The following PTPDC1 variants were observed in gnomAD, a reference collection of about 807,000 sequenced individuals.
PTPDC1 encodes the protein protein tyrosine phosphatase domain containing 1.
PTPDC1 carries 53 observed loss-of-function variants against 75.3 expected under a neutral mutation model. The observed-to-expected ratio is 0.70, with a 90% confidence interval of 0.56 to 0.88. The LOEUF (loss-of-function observed/expected upper bound fraction) is 0.88, where lower values mean the gene tolerates loss of function less well. Among genes scored for constraint, PTPDC1 ranks in the 40% least tolerant of loss-of-function variants. The pLI is 0.00. For synonymous variants in PTPDC1, 349 were observed against 366.2 expected, an observed-to-expected ratio of 0.95 and a Z score of 0.54; for missense variants, 925 against 998.6, an observed-to-expected ratio of 0.93 and a Z score of 0.99.
intron 1 of PTPDC1, among the ~76,000 whole-genome samples, chr9:94,046,328 G>T: frequency 6.6e-6 from 1 of 152,276 alleles, no homozygotes; most frequent in South Asian, 2.1e-4. Context: ...GGCAATGCAG[G>T]CTCTTTTTCG....
intron 2 of PTPDC1, among the ~76,000 whole-genome samples, chr9:94,065,702 G>A (rs548448340): frequency 6.6e-6 from 1 of 152,302 alleles, no homozygotes; most frequent in South Asian, 2.1e-4. Context: ...TATGCTTGTA[G>A]ATACTCCTTC....
intron 2 of PTPDC1, among the ~76,000 whole-genome samples, chr9:94,077,504 G>A (rs2117935992): frequency 6.6e-6 from 1 of 152,226 alleles, no homozygotes; most frequent in South Asian, 2.1e-4. Flanking sequence ...TGCTATAGTG[G>A]CTAACAGTAC....
intron 2 of PTPDC1, among the ~76,000 whole-genome samples, chr9:94,077,489 T>C (rs1269898197): frequency 1.3e-5 from 2 of 152,218 alleles, no homozygotes; most frequent in African/African-American, 4.8e-5. Context: ...TGGATTTCAT[T>C]AATTTGCTAT....
intron 1 of PTPDC1, among the ~76,000 whole-genome samples, chr9:94,032,447 C>T (rs1026652350): frequency 6.6e-6 from 1 of 152,206 alleles, no homozygotes; most frequent in African/African-American, 2.4e-5. Flanking sequence ...AATTTCTCCT[C>T]CCAAACAGAG....
chr9:94,053,446 G>A (rs933892707), intron 1 of PTPDC1, among the ~76,000 whole-genome samples: 2 of 151,880 alleles, frequency 1.3e-5, no homozygotes, highest in African/African-American at 2.4e-5. Flanking sequence ...GACTATTTTT[G>A]TTTAGTTTTA....
chr9:94,103,075 T>C (rs1401756721), intron 7 of PTPDC1, among the ~76,000 whole-genome samples: 1 of 151,630 alleles, frequency 6.6e-6, no homozygotes, highest in Non-Finnish European at 1.5e-5. Context: ...TTCACACACA[T>C]GCACACAGAT....
intron 2 of PTPDC1, among the ~76,000 whole-genome samples, chr9:94,072,196 C>T (rs529652044): frequency 1.3e-5 from 2 of 152,140 alleles, no homozygotes; most frequent in Admixed American, 6.5e-5. Flanking sequence ...TTAGCAGAGA[C>T]GGTTTCGCCA....
At chr9:94,064,931 C>G in intron 2 of PTPDC1, 2 of 772,684 alleles carry the variant, frequency 2.6e-6, no homozygotes, top group Non-Finnish European at 4.1e-6. Context: ...TATTGGAATC[C>G]CAGGTTGCAA....
intron 1 of PTPDC1, among the ~76,000 whole-genome samples, chr9:94,058,778 C>T (rs1826035447): frequency 6.6e-6 from 1 of 152,064 alleles, no homozygotes; most frequent in African/African-American, 2.4e-5. Flanking sequence ...CACCTGAGGT[C>T]AGGAGTTCGA....
chr9:94,083,560 C>T (rs867243515), upstream of PTPDC1, among the ~76,000 whole-genome samples: 1 of 152,140 alleles, frequency 6.6e-6, no homozygotes, highest in African/African-American at 2.4e-5. Flanking sequence ...AGCGAGCAAG[C>T]GAGGGCGCAG....
chr9:94,079,196 T>G (rs1826796311), intron 2 of PTPDC1, among the ~76,000 whole-genome samples: 1 of 152,234 alleles, frequency 6.6e-6, no homozygotes, highest in Non-Finnish European at 1.5e-5. Flanking sequence ...AGTGATGGAC[T>G]AGTCTTTTTT....
At chr9:94,091,957 A>G (rs1377294611) in intron 4 of PTPDC1, among the ~76,000 whole-genome samples, 1 of 149,958 alleles carries the variant, frequency 6.7e-6, no homozygotes, top group Non-Finnish European at 1.5e-5. Context: ...TATTGCGTCT[A>G]TTTGATTCTT....
chr9:94,043,773 A>AT (rs1284752574), intron 1 of PTPDC1, among the ~76,000 whole-genome samples: 1 of 152,012 alleles, frequency 6.6e-6, no homozygotes, highest in Non-Finnish European at 1.5e-5. Flanking sequence ...TTTCTCCTAT[A>AT]TTTTTTTCTA....
chr9:94,104,274 G>A lies in PTPDC1; in HGVS notation c.2200-1G>A, dbSNP rs979591393. The A allele has an allele frequency of 3.1e-6, 5 of 1,596,704 alleles. No individual in the cohort carries two copies. Among genetic ancestry groups the A allele is most frequent in the African/African-American group, 1.3e-5 (1 of 74,576 alleles). On this transcript the variant is annotated splice_acceptor_variant, in intron 7 of 8. Transcript: ENST00000620992. LOFTEE classifies it high-confidence loss of function. ...TTAAATTTTGATTTCTACAAAAACA[G>A]GGACAGCACCAGACTATTCTCTGCG...
intron 4 of PTPDC1, 65 bp from the exon 5 acceptor site, chr9:94,095,252 A>T (rs920190101): frequency 5.2e-6 from 6 of 1,153,174 alleles, no homozygotes; most frequent in African/African-American, 3.8e-5. Flanking sequence ...TGTACTTTTC[A>T]TTAGTGTTTG....
At chr9:94,098,747 A>G (rs1186262353) in intron 6 of PTPDC1, 168 bp downstream of exon 6, 2 of 648,276 alleles carry the variant, frequency 3.1e-6, no homozygotes, top group Non-Finnish European at 5.3e-6. Context: ...GATGTTATAG[A>G]AAAAACACAG....
intron 1 of PTPDC1, among the ~76,000 whole-genome samples, chr9:94,047,267 T>C (rs1046460826): frequency 1.3e-5 from 2 of 152,206 alleles, no homozygotes; most frequent in African/African-American, 4.8e-5. Flanking sequence ...TTGAGGATTT[T>C]TACATCAATG....
chr9:94,075,895 A>G (rs148083478), intron 2 of PTPDC1, among the ~76,000 whole-genome samples: 2 of 152,370 alleles, frequency 1.3e-5, no homozygotes, highest in East Asian at 3.9e-4. Context: ...TTTTTAGAAC[A>G]TTCAAAGAGC....
At chr9:94,055,640 A>G (rs1441957803) in intron 1 of PTPDC1, among the ~76,000 whole-genome samples, 1 of 152,206 alleles carries the variant, frequency 6.6e-6, no homozygotes, top group African/African-American at 2.4e-5. Flanking sequence ...ACATTCTGGA[A>G]AAGACAAAAC....
Sources: allele counts gnomAD v4.1 joint callset (sites outside exome capture counted in the v4.1 genomes callset), GRCh38; gene constraint gnomAD v4.1.1; transcripts MANE v1.5; gene names NCBI Gene and HGNC (gene_info 2026-07-23, HGNC 2026-07-21).